NFIB: variants seen among roughly 807,000 people sequenced by gnomAD.
NFIB encodes nuclear factor I B, also known as nuclear factor 1 B-type.
NFIB carries 11 observed loss-of-function variants against 61.5 expected under a neutral mutation model. That is an observed-to-expected ratio of 0.18 (90% CI 0.11 to 0.30). NFIB has a LOEUF of 0.30. NFIB is among the 10% of genes least tolerant of loss of function. The pLI is 1.00. For missense variants in NFIB, 471 were observed against 608.9 expected, an observed-to-expected ratio of 0.77 and a Z score of 2.38; for synonymous variants, 260 against 216.5, an observed-to-expected ratio of 1.20 and a Z score of -1.76.
At chr9:14,350,526 T>G (rs574532829) in intron 1 of NFIB, among the ~76,000 whole-genome samples, 3 of 151,118 alleles carry the variant, frequency 2.0e-5, no homozygotes, top group African/African-American at 4.9e-5. Flanking sequence ...GGGGGGGAAG[T>G]TGGGGGTCTT....
At chr9:14,444,176 T>C in the NFIB span, among the ~76,000 whole-genome samples, 1 of 152,238 alleles carries the variant, frequency 6.6e-6, no homozygotes, top group East Asian at 1.9e-4. Context: ...AATATGCTGT[T>C]AGGTACATGA....
chr9:14,291,856 T>C (rs1034769572), intron 2 of NFIB, among the ~76,000 whole-genome samples: 2 of 152,130 alleles, frequency 1.3e-5, no homozygotes, highest in African/African-American at 2.4e-5. Flanking sequence ...TCTTATGTTA[T>C]TGGAAAATTG....
the NFIB span, among the ~76,000 whole-genome samples, chr9:14,425,607 A>ATTTTTTTTTTTTTTTTT: frequency 2.0e-5 from 2 of 99,052 alleles, no homozygotes; most frequent in East Asian, 3.1e-4. Context: ...TTGCTACATA[A>ATTTTTTTTTTTTTTTTT]TTTTTTTTTT....
At chr9:14,196,791 A>G (rs1213046644) in intron 2 of NFIB, among the ~76,000 whole-genome samples, 1 of 152,022 alleles carries the variant, frequency 6.6e-6, no homozygotes, top group Admixed American at 6.5e-5. Context: ...TACTTAATTA[A>G]GTGTTTTCTT....
chr9:14,122,041 A>C (rs902054289), intron 7 of NFIB, among the ~76,000 whole-genome samples: 1 of 152,124 alleles, frequency 6.6e-6, no homozygotes, highest in Non-Finnish European at 1.5e-5. Context: ...TCCCAATTCA[A>C]ATAATAGGAA....
chr9:14,128,695 C>CAAA lies in NFIB; in HGVS notation c.926-2932_926-2930dup, dbSNP rs202216145. On this transcript the variant is annotated intron_variant, in intron 6 of 10. Transcript: ENST00000380953. ...CCGCGACAAGAACAAAACTCTGTCT[C>CAAA]AAAAAAAAAAAAAAAAAAATTAATG... Among the ~76,000 whole-genome samples the CAAA allele has an allele frequency of 2.5e-4, 20 of 79,546 alleles. 1 individual carries two copies. The highest frequency in any genetic ancestry group is 6.4e-4 in the African/African-American group (17 of 26,646). 52.2% of individuals were successfully genotyped at this position (79,546 alleles called of 152,430 possible). A position where few individuals can be genotyped will look rare whatever the true frequency, so the allele number is the denominator to read the frequency against.
the NFIB span, among the ~76,000 whole-genome samples, chr9:14,420,821 C>T: frequency 2.0e-4 from 30 of 152,186 alleles, no homozygotes; most frequent in Non-Finnish European, 4.0e-4. Flanking sequence ...AGAATTACTA[C>T]TATCTCGTCA....
chr9:14,246,072 T>G (rs1315550251), intron 2 of NFIB, among the ~76,000 whole-genome samples: 4 of 151,108 alleles, frequency 2.6e-5, no homozygotes, highest in Non-Finnish European at 5.9e-5. Context: ...CCTCTCTAAT[T>G]CCTGAGAATT....
the NFIB span, among the ~76,000 whole-genome samples, chr9:14,504,800 A>G: frequency 6.6e-6 from 1 of 152,086 alleles, no homozygotes; most frequent in African/African-American, 2.4e-5. Context: ...GACTTCCTCT[A>G]TACTGATTTG....
chr9:14,247,071 C>G (rs1204274354), intron 2 of NFIB, among the ~76,000 whole-genome samples: 1 of 152,100 alleles, frequency 6.6e-6, no homozygotes, highest in Admixed American at 6.5e-5. Flanking sequence ...AGAGCCCTCA[C>G]CAGAATCCAA....
At chr9:14,495,802 C>T in the NFIB span, among the ~76,000 whole-genome samples, 1 of 152,130 alleles carries the variant, frequency 6.6e-6, no homozygotes, top group East Asian at 1.9e-4. Context: ...GAAAACTCCA[C>T]CATTGTTATA....
At chr9:14,266,497 A>C (rs1005253533) in intron 2 of NFIB, among the ~76,000 whole-genome samples, 4 of 152,046 alleles carry the variant, frequency 2.6e-5, no homozygotes, top group Non-Finnish European at 5.9e-5. Flanking sequence ...CAGGAGGCTG[A>C]GGCAGGAGGA....
the NFIB span, among the ~76,000 whole-genome samples, chr9:14,512,933 G>GA: frequency 0.67 from 86,258 of 128,526 alleles, 28,334 homozygotes; most frequent in Non-Finnish European, 0.74. Context: ...CAAAGCTTTT[G>GA]AAAAAAAAAA....
At chr9:14,503,459 T>C in the NFIB span, among the ~76,000 whole-genome samples, 25 of 151,942 alleles carry the variant, frequency 1.6e-4, no homozygotes, top group East Asian at 9.6e-4. Flanking sequence ...CTGTTGTTTG[T>C]TTTTTTTAAA....
the NFIB span, among the ~76,000 whole-genome samples, chr9:14,452,084 C>A: frequency 1.3e-5 from 2 of 152,268 alleles, no homozygotes; most frequent in African/African-American, 4.8e-5. Context: ...ACAGATCTGA[C>A]TTTTTCTCCA....
chr9:14,419,998 A>G, the NFIB span, among the ~76,000 whole-genome samples: 1 of 152,118 alleles, frequency 6.6e-6, no homozygotes, highest in Non-Finnish European at 1.5e-5. Flanking sequence ...TCATTTATTA[A>G]TATCAGGTTG....
At chr9:14,312,185 A>G (rs2060311458) in intron 1 of NFIB, among the ~76,000 whole-genome samples, 1 of 152,270 alleles carries the variant, frequency 6.6e-6, no homozygotes, top group South Asian at 2.1e-4. Flanking sequence ...CAATCACTGA[A>G]TAAGCCTTAT....
Position 14,120,344 on chromosome 9 carries a change from T to C in NFIB, c.1245+96A>G. 7.5e-7 allele frequency: 1 copy of C among 1,327,444 alleles called. No individual in the cohort carries two copies. The highest frequency in any genetic ancestry group is 2.3e-5 in the East Asian group (1 of 43,424). 82.2% of individuals were successfully genotyped at this position (1,327,444 alleles called of 1,614,324 possible). ...GAAGATGGATTTCAAGGCTTGACGTTCTGCCAGACACACTGTCTGACTAAC... is the reference window on the plus strand; with the variant it reads ...GAAGATGGATTTCAAGGCTTGACGTCCTGCCAGACACACTGTCTGACTAAC... On this transcript the variant is annotated intron_variant, in intron 8 of 10. Coordinates refer to ENST00000380953, the MANE Select transcript of NFIB (RefSeq NM_001190737.2). This position sits in a 1 kb window ranked among gnomAD's most constrained non-coding sequence, Gnocchi z 4.4.
chr9:14,264,224 C>T (rs553177636), intron 2 of NFIB, among the ~76,000 whole-genome samples: 10 of 151,728 alleles, frequency 6.6e-5, no homozygotes, highest in Non-Finnish European at 8.8e-5. Flanking sequence ...AGACTAGATA[C>T]GTATTTCAAA....
Sources: allele counts gnomAD v4.1 joint callset (sites outside exome capture counted in the v4.1 genomes callset), GRCh38; gene constraint gnomAD v4.1.1; non-coding constraint Gnocchi (gnomAD v3.1); transcripts MANE v1.5; gene names NCBI Gene and HGNC (gene_info 2026-07-23, HGNC 2026-07-21).